ANKIB1: variants seen among roughly 807,000 people sequenced by gnomAD.
The protein encoded by ANKIB1 is ankyrin repeat and IBR domain-containing protein 1.
ANKIB1 carries 43 observed loss-of-function variants against 122.1 expected under a neutral mutation model. The ratio of observed to expected loss-of-function variants is 0.35; its 90% CI spans 0.28 to 0.45. The LOEUF is 0.45. ANKIB1 is among the 20% of genes least tolerant of loss of function. The pLI is 1.00. For missense variants in ANKIB1, 992 were observed against 1,329.5 expected, an observed-to-expected ratio of 0.75 and a Z score of 3.95; for synonymous variants, 390 against 442.0, an observed-to-expected ratio of 0.88 and a Z score of 1.48.
intron 1 of ANKIB1, among the ~76,000 whole-genome samples, chr7:92,253,741 TGTGA>T (rs952967475): frequency 3.9e-5 from 6 of 152,268 alleles, no homozygotes; most frequent in South Asian, 2.1e-4. Context: ...TCATTGTGCA[TGTGA>T]GTATGTGTGT....
intron 1 of ANKIB1, among the ~76,000 whole-genome samples, chr7:92,264,773 A>G (rs1801636454): frequency 6.6e-6 from 1 of 152,178 alleles, no homozygotes; most frequent in African/African-American, 2.4e-5. Flanking sequence ...TGCTATTGTT[A>G]CACCTGTGAA....
At chr7:92,343,742 T>C (rs1803480467) in intron 6 of ANKIB1, among the ~76,000 whole-genome samples, 1 of 152,052 alleles carries the variant, frequency 6.6e-6, no homozygotes, top group South Asian at 2.1e-4. Flanking sequence ...AAACCGAAAA[T>C]ACAAAAACAT....
chr7:92,376,488 C>T (rs1394832615), intron 11 of ANKIB1, among the ~76,000 whole-genome samples: 3 of 146,844 alleles, frequency 2.0e-5, no homozygotes, highest in South Asian at 4.3e-4. Context: ...TCGCTCTTGT[C>T]CCCCAGGCTG....
chr7:92,247,260 AGT>A (rs1403588090), intron 1 of ANKIB1, among the ~76,000 whole-genome samples: 6 of 152,356 alleles, frequency 3.9e-5, no homozygotes, highest in African/African-American at 1.4e-4. Context: ...TGTTTCAAAT[AGT>A]GTATTTTAGA....
At chr7:92,333,290 C>T (rs1260264137) in intron 5 of ANKIB1, among the ~76,000 whole-genome samples, 1 of 152,100 alleles carries the variant, frequency 6.6e-6, no homozygotes, top group African/African-American at 2.4e-5. Context: ...TGACTGAGCC[C>T]CTGCCTGTTT....
intron 1 of ANKIB1, among the ~76,000 whole-genome samples, chr7:92,292,374 AT>A (rs890903217): frequency 1.1e-4 from 17 of 152,266 alleles, no homozygotes; most frequent in African/African-American, 3.1e-4. Context: ...AGTATTATAG[AT>A]TTTTTTTAAA....
intron 3 of ANKIB1, among the ~76,000 whole-genome samples, chr7:92,312,925 G>A (rs150127700): frequency 6.6e-6 from 1 of 152,110 alleles, no homozygotes. Flanking sequence ...GGACTTGAGA[G>A]GGGTGGTGGG....
intron 9 of ANKIB1, among the ~76,000 whole-genome samples, chr7:92,355,276 A>G (rs574723194): frequency 6.6e-6 from 1 of 152,132 alleles, no homozygotes; most frequent in South Asian, 2.1e-4. Flanking sequence ...TTTTTAATTA[A>G]GTAAAATATG....
intron 5 of ANKIB1, among the ~76,000 whole-genome samples, chr7:92,341,309 CAA>C (rs554016109): frequency 1.1e-3 from 90 of 78,760 alleles, no homozygotes; most frequent in Middle Eastern, 0.015. Context: ...GACCCTGTCT[CAA>C]AAAAAAAAAA....
intron 1 of ANKIB1, among the ~76,000 whole-genome samples, chr7:92,273,500 C>T (rs958298467): frequency 6.6e-6 from 1 of 152,190 alleles, no homozygotes; most frequent in African/African-American, 2.4e-5. Context: ...TTCTCTGTGC[C>T]TCACGACCAA....
rs1176593367 is a variant in ANKIB1, at chr7:92,338,947, T to A, written c.788-4077T>A. Among the ~76,000 whole-genome samples, 370 of 92,730 alleles carry A rather than the reference T, an allele frequency of 4.0e-3. 6 individuals carry two copies. Among genetic ancestry groups the A allele is most frequent in the Non-Finnish European group, 6.1e-3 (300 of 49,254 alleles). 60.8% of individuals were successfully genotyped at this position (92,730 alleles called of 152,430 possible). On this transcript the variant is annotated intron_variant, in intron 5 of 19. Coordinates refer to ENST00000265742, the MANE Select transcript of ANKIB1 (RefSeq NM_019004.2). Reference sequence around the variant, plus strand: ...AAAAAAAAAAAAATATATATATATATATATATATATATATATATATATATT... The same window carrying A: ...AAAAAAAAAAAAATATATATATATAAATATATATATATATATATATATATT...
chr7:92,360,559 A>G (rs976575390), intron 9 of ANKIB1, among the ~76,000 whole-genome samples: 1 of 152,176 alleles, frequency 6.6e-6, no homozygotes, highest in Admixed American at 6.5e-5. Context: ...ATGTTGGTGT[A>G]CAAGTTTGAA....
intron 1 of ANKIB1, among the ~76,000 whole-genome samples, chr7:92,250,354 T>C (rs1294385220): frequency 6.6e-6 from 1 of 152,190 alleles, no homozygotes; most frequent in Non-Finnish European, 1.5e-5. Flanking sequence ...GATCACGCCA[T>C]TGCACTCTAG....
At chr7:92,348,425 A>T (rs1338537461) in intron 7 of ANKIB1, among the ~76,000 whole-genome samples, 2 of 140,190 alleles carry the variant, frequency 1.4e-5, no homozygotes, top group Non-Finnish European at 3.0e-5. Flanking sequence ...TCGCTCCGTC[A>T]CCCAGGCAGG....
chr7:92,342,001 C>G (rs1390138022), intron 5 of ANKIB1, among the ~76,000 whole-genome samples: 1 of 151,494 alleles, frequency 6.6e-6, no homozygotes, highest in Non-Finnish European at 1.5e-5. Context: ...CATTGCATGT[C>G]AAAGTCATAT....
rs117376527 is a variant in ANKIB1, at chr7:92,249,980, A to G, written c.-91+3461A>G. On this transcript the variant is annotated intron_variant, in intron 1 of 19. Coordinates refer to ENST00000265742, the MANE Select transcript of ANKIB1 (RefSeq NM_019004.2). Reference sequence around the variant, plus strand: ...CTTGTAATATTCTCGAAAAGATTTGACTTACAGTCCTTAAAGGGGAGAAGC... The same window carrying G: ...CTTGTAATATTCTCGAAAAGATTTGGCTTACAGTCCTTAAAGGGGAGAAGC... Among the ~76,000 whole-genome samples the G allele has an allele frequency of 6.2e-3, 946 of 152,266 alleles. 6 individuals carry two copies. The highest frequency in any genetic ancestry group is 8.5e-3 in the Non-Finnish European group (577 of 68,020).
At chr7:92,267,735 C>T (rs1801703951) in intron 1 of ANKIB1, among the ~76,000 whole-genome samples, 1 of 152,104 alleles carries the variant, frequency 6.6e-6, no homozygotes, top group Non-Finnish European at 1.5e-5. Context: ...ATGCAGTTGA[C>T]CATGCATCTA....
At chr7:92,253,683 A>G (rs1173839049) in intron 1 of ANKIB1, among the ~76,000 whole-genome samples, 1 of 150,688 alleles carries the variant, frequency 6.6e-6, no homozygotes, top group South Asian at 2.1e-4. Context: ...TTTTTTTTTT[A>G]CTTATCTAGA....
At chr7:92,297,825 A>G (rs556303715) in intron 2 of ANKIB1, among the ~76,000 whole-genome samples, 1 of 152,260 alleles carries the variant, frequency 6.6e-6, no homozygotes, top group East Asian at 1.9e-4. Flanking sequence ...TTCTGGCTTC[A>G]TTCTACTCAG....
Sources: gnomAD v4.1 joint callset for allele counts (sites outside exome capture counted in the v4.1 genomes callset) on GRCh38, gnomAD v4.1.1 for gene constraint, MANE v1.5 for transcripts, NCBI Gene and HGNC (gene_info 2026-07-23, HGNC 2026-07-21) for gene names.